The following NDUFS2 variants were observed in gnomAD, a reference collection of about 807,000 sequenced individuals.
NDUFS2 encodes the protein NADH dehydrogenase [ubiquinone] iron-sulfur protein 2, mitochondrial.
Under a neutral mutation model 69.6 loss-of-function variants are expected in NDUFS2, and 38 were observed. The observed-to-expected ratio is 0.55, with a 90% CI of 0.42 to 0.72. The LOEUF (loss-of-function observed/expected upper bound fraction) is 0.72. Ranked by LOEUF, NDUFS2 falls within the 30% of genes least tolerant of loss-of-function variation. The probability of loss-of-function intolerance (pLI) is 0.00; values close to 1 mark genes in which losing one functional copy is unlikely to be tolerated. For missense variants in NDUFS2, 468 were observed against 595.0 expected (o/e 0.79, Z 2.22); for synonymous variants, 194 against 211.2 (o/e 0.92, Z 0.70).
In NDUFS2 at chr1:161,209,333, T is replaced by C; in HGVS notation, c.514+20T>C. On this transcript the variant is annotated intron_variant, in intron 4 of 13. Coordinates refer to ENST00000676972, the MANE Select transcript of NDUFS2 (RefSeq NM_001377299.1). ...TCCGAGGTATGTCCCCCCAACTTTT[T>C]CTGTGGCCCACTGTGAGCATAGCAT... 1 of 1,614,144 alleles carries C rather than the reference T, an allele frequency of 6.2e-7. No individual in the cohort carries two copies.
rs777775202 is a variant in NDUFS2, at chr1:161,206,430, A to G, written c.226A>G (p.Ile76Val). ...WNDVDPPKDTIVKNITLNFGP... is the reference protein window; with the variant it reads ...WNDVDPPKDTVVKNITLNFGP... ...AGATGTGGACCCTCCAAAGGACACA[A>G]TTGTGAAGAACATTACCCTGAACTT... Residue 76 changes from isoleucine to valine, a missense_variant, in exon 3 of 14, where the codon ATT becomes GTT. Transcript: ENST00000676972. 6 of 1,614,258 alleles carry G rather than the reference A, an allele frequency of 3.7e-6. No homozygotes were observed. The East Asian group carries it at 6.7e-5, about 18-fold the overall frequency.
rs1360512350 is a variant in NDUFS2, at chr1:161,202,643, AG to A, written c.95+167del. ...GCAGTGGCGCCCACTCTGGCGAGGG[AG>A]GGGAGAGGGTCTAGAGTTCGTTCGT... is the stretch of plus-strand genomic sequence containing the variant. On this transcript the variant is annotated intron_variant, in intron 1 of 13. Transcript: ENST00000676972. 2.0e-5 allele frequency among the ~76,000 whole-genome samples: 3 copies of A among 152,090 alleles called. No individual in the cohort carries two copies. The East Asian group carries it at 5.8e-4, about 29-fold the overall frequency.
At chr1:161,199,657 C>A (rs1665030112), upstream of NDUFS2, 1 of 152,384 alleles carries the variant, frequency 6.6e-6, no homozygotes, top group African/African-American at 2.4e-5. Context: ...AGGGAGTTGA[C>A]TGCCCAAAGG....
At chr1:161,202,778 C>T (rs570662329) in intron 1 of NDUFS2, among the ~76,000 whole-genome samples, 3 of 152,188 alleles carry the variant, frequency 2.0e-5, no homozygotes, top group African/African-American at 4.8e-5. Context: ...CCAGAATGCT[C>T]GCTGTCTCTC....
chr1:161,198,607 A>G (rs1451657156), upstream of NDUFS2: 4 of 1,533,912 alleles, frequency 2.6e-6, no homozygotes, highest in South Asian at 5.0e-5. The surrounding 1 kb of genome is among the most constrained non-coding windows in gnomAD (Gnocchi z 4.7). Flanking sequence ...CCCTCCCGGG[A>G]TGCGAGCCTG....
At chr1:161,206,726 T>G in intron 3 of NDUFS2, 129 bp downstream of exon 3, 3 of 985,810 alleles carry the variant, frequency 3.0e-6, no homozygotes, top group Non-Finnish European at 3.0e-6. Context: ...GAGATTACTC[T>G]TGGTTGGGTG....
Position 161,210,405 on chromosome 1 carries a change from C to T in NDUFS2, c.866+16C>T, listed in dbSNP as rs1467830662. ...ATGGTTTTAGGTGAGGGGAATACAA[C>T]TTCTCTCCGTAGGAGTGGGGGTGGG... is the stretch of plus-strand genomic sequence containing the variant. On this transcript the variant is annotated intron_variant, in intron 8 of 13. Coordinates refer to ENST00000676972, the MANE Select transcript of NDUFS2 (RefSeq NM_001377299.1). 2 of 1,610,260 alleles carry T rather than the reference C, an allele frequency of 1.2e-6. No homozygotes were observed.
intron 1 of NDUFS2, among the ~76,000 whole-genome samples, chr1:161,203,194 T>A (rs1185601051): frequency 6.6e-6 from 1 of 152,104 alleles, no homozygotes; most frequent in East Asian, 1.9e-4. Flanking sequence ...TAATCTCAGC[T>A]ACTTGGGAGG....
intron 3 of NDUFS2, among the ~76,000 whole-genome samples, chr1:161,207,837 G>C (rs1040360201): frequency 1.3e-5 from 2 of 151,274 alleles, no homozygotes; most frequent in Non-Finnish European, 2.9e-5. Flanking sequence ...TTTCCCTACG[G>C]AGTCTCGCTC....
rs973603752 is a variant in NDUFS2 at position 161,206,531 on chromosome 1, T to G, written c.327T>G (p.Cys109Trp). ...TGAGTGGGGAGATGGTGCGGAAGTG[T>G]GATCCTCACATCGGGCTCCTGCACC... ...MELSGEMVRKCDPHIGLLHRG... is the reference protein window; with the variant it reads ...MELSGEMVRKWDPHIGLLHRG... The change falls in exon 3 of 14, where the codon TGT (cysteine) becomes TGG (tryptophan). Residue 109 changes from cysteine (C) to tryptophan (W), a missense_variant. Cys to Trp is a radical substitution (Grantham distance 215, BLOSUM62 -2). This residue lies in a region of NDUFS2 where 339 missense variants were observed against 433.8 expected (regional missense o/e 0.78). Coordinates refer to ENST00000676972, the MANE Select transcript of NDUFS2 (RefSeq NM_001377299.1). 6.2e-7 allele frequency: 1 copy of G among 1,614,218 alleles called. No homozygotes were observed. The highest frequency in any genetic ancestry group is 1.7e-5 in the Admixed American group (1 of 60,018).
Position 161,210,130 on chromosome 1 carries a change from T to C in NDUFS2, c.722T>C (p.Met241Thr), listed in dbSNP as rs1665692665. ...GVHQDLPLGL[M>T]DDIYQFSKNF... ...TTCTAGGACCTACCCCTTGGGCTTA[T>C]GGATGACATTTATCAGTTTTCTAAG... Residue 241 changes from methionine (M) to threonine (T), a missense_variant, in exon 7 of 14, where the codon ATG (methionine) becomes ACG (threonine). Met to Thr is a moderately conservative substitution (Grantham distance 81). This residue lies in a region of NDUFS2 where 339 missense variants were observed against 433.8 expected (regional missense o/e 0.78). Coordinates refer to ENST00000676972, the MANE Select transcript of NDUFS2 (RefSeq NM_001377299.1). 6 of 1,614,076 alleles carry C rather than the reference T, an allele frequency of 3.7e-6. No homozygotes were observed. Among genetic ancestry groups the C allele is most frequent in the Non-Finnish European group, 5.1e-6 (6 of 1,180,034 alleles).
chr1:161,203,606 C>A, intron 2 of NDUFS2, 63 bp downstream of exon 2: 1 of 1,380,800 alleles, frequency 7.2e-7, no homozygotes, highest in Non-Finnish European at 1.0e-6. Flanking sequence ...ATTTCCTTTT[C>A]TTTTTTTGAG....
intron 10 of NDUFS2, chr1:161,213,088 A>G (rs1333888297): frequency 8.3e-6 from 3 of 361,706 alleles, no homozygotes; most frequent in Non-Finnish European, 1.6e-5. Flanking sequence ...TATTTTTAGT[A>G]GAGACGGGGT....
chr1:161,212,492 G>A lies in NDUFS2; in HGVS notation c.1116+12G>A, dbSNP rs1315579238. 17 of 1,610,898 alleles carry A rather than the reference G, an allele frequency of 1.1e-5. No homozygotes were observed. Among genetic ancestry groups the A allele is most frequent in the Non-Finnish European group, 1.4e-5 (17 of 1,179,652 alleles). ...GAGCAGAGATGAAGGTTGGCTGCAG[G>A]GAGGGGGAAAGTGTGGGGTGTTGGA... On this transcript the variant is annotated intron_variant, in intron 10 of 13. Coordinates refer to ENST00000676972, the MANE Select transcript of NDUFS2 (RefSeq NM_001377299.1).
At chr1:161,205,425 T>G (rs554227414) in intron 2 of NDUFS2, among the ~76,000 whole-genome samples, 15 of 152,302 alleles carry the variant, frequency 9.8e-5, no homozygotes, top group South Asian at 8.3e-4. Flanking sequence ...CTGGAATGCT[T>G]CTTCTCCCTT....
chr1:161,210,537 C>CA, intron 8 of NDUFS2, 54 bp from the exon 9 acceptor site: 10 of 1,613,076 alleles, frequency 6.2e-6, no homozygotes, highest in African/African-American at 4.0e-5. Flanking sequence ...GAAGAAGGAG[C>CA]CTCCTTACTT....
At chr1:161,198,133 C>T, upstream of NDUFS2, 1 of 1,614,032 alleles carries the variant, frequency 6.2e-7, no homozygotes, top group Non-Finnish European at 8.5e-7. The surrounding 1 kb of genome is among the most constrained non-coding windows in gnomAD (Gnocchi z 4.7). Flanking sequence ...TGCCTCCCTC[C>T]AGGGGCTGGA....
chr1:161,198,658 GGC>G (rs1034757968), upstream of NDUFS2: 37 of 1,460,470 alleles, frequency 2.5e-5, no homozygotes, highest in Non-Finnish European at 3.4e-5. The surrounding 1 kb of genome is among the most constrained non-coding windows in gnomAD (Gnocchi z 4.7). Context: ...GAGGGACTGA[GGC>G]CGTCTAGGGC....
upstream of NDUFS2, chr1:161,202,059 G>A (rs984535293): frequency 9.0e-6 from 4 of 443,204 alleles, no homozygotes; most frequent in Non-Finnish European, 1.7e-5. Flanking sequence ...AGCGCCGCGC[G>A]TTTCCAAGAT....
Sources: gnomAD v4.1 joint callset for allele counts (sites outside exome capture counted in the v4.1 genomes callset) on GRCh38, gnomAD v4.1.1 for gene constraint, gnomAD v4.1.1 regional missense constraint, Gnocchi (gnomAD v3.1) non-coding constraint, MANE v1.5 for transcripts, NCBI Gene and HGNC (gene_info 2026-07-23, HGNC 2026-07-21) for gene names.